Variants in PLD5 observed in about 807,000 individuals in gnomAD.
The protein encoded by PLD5 is inactive phospholipase D5.
A neutral mutation model predicts 61.1 loss-of-function variants in PLD5; 36 were observed. That is an observed-to-expected ratio of 0.59 (90% confidence interval 0.45 to 0.78). PLD5 has a LOEUF of 0.78. PLD5 is among the 30% of genes least tolerant of loss of function. PLD5 has a pLI of 0.00. For missense variants in PLD5, 515 were observed against 644.4 expected (o/e 0.80, Z 2.17); for synonymous variants, 243 against 242.8 (o/e 1.00, Z -0.01).
chr1:242,328,466 CAT>C (rs564014329), intron 2 of PLD5, among the ~76,000 whole-genome samples: 43 of 152,192 alleles, frequency 2.8e-4, no homozygotes, highest in Middle Eastern at 3.4e-3. Context: ...GTGTGTTCTA[CAT>C]ATGTGTATTC....
rs957511764 is a variant in PLD5, at chr1:242,410,940, GATTT to G, written c.190-62702_190-62699del. 3.6e-4 allele frequency among the ~76,000 whole-genome samples: 54 copies of G among 148,404 alleles called. 1 individual carries two copies. The highest frequency in any genetic ancestry group is 1.3e-3 in the African/African-American group (54 of 40,010). ...AGAATTTCATTCTGTGCCCAATGCT[GATTT>G]TTACCAATAATCGAAAAAAAAAAGA... On this transcript the variant is annotated intron_variant, in intron 1 of 9. Coordinates refer to ENST00000536534, the MANE Select transcript of PLD5 (RefSeq NM_001372062.1).
intron 5 of PLD5, among the ~76,000 whole-genome samples, chr1:242,166,497 T>A (rs1239992386): frequency 2.0e-5 from 3 of 152,218 alleles, no homozygotes; most frequent in East Asian, 1.9e-4. Context: ...TACACCCTGA[T>A]GGGAGCACTG....
At chr1:242,326,998 T>TG (rs752255934) in intron 2 of PLD5, among the ~76,000 whole-genome samples, 5 of 152,024 alleles carry the variant, frequency 3.3e-5, no homozygotes, top group African/African-American at 4.8e-5. Flanking sequence ...CCTGAGTAGC[T>TG]GGGACTATAG....
chr1:242,303,021 T>A (rs1337402014), intron 2 of PLD5, among the ~76,000 whole-genome samples: 1 of 152,132 alleles, frequency 6.6e-6, no homozygotes, highest in East Asian at 1.9e-4. Context: ...AATATCAGAA[T>A]CTGTGATGAA....
In PLD5 at chr1:242,195,930, C is replaced by A. The variant is rs538040310; in HGVS notation, c.735+24058G>T. The stretch of plus-strand genomic sequence containing the variant: ...TCAAAGATGATTGAAATCCAAGTGA[C>A]CGAGGTGAGGGGCTGAAGAGAAGAG... On this transcript the variant is annotated intron_variant, in intron 5 of 9. Transcript: ENST00000536534. 1.4e-4 allele frequency among the ~76,000 whole-genome samples: 21 copies of A among 152,050 alleles called. 1 individual carries two copies. Among genetic ancestry groups the A allele is most frequent in the East Asian group, 7.7e-4 (4 of 5,168 alleles).
At chr1:242,464,913 G>T (rs1667228283) in intron 1 of PLD5, among the ~76,000 whole-genome samples, 1 of 152,182 alleles carries the variant, frequency 6.6e-6, no homozygotes, top group African/African-American at 2.4e-5. Flanking sequence ...GTCACATATT[G>T]TGTGATTCCC....
intron 1 of PLD5, among the ~76,000 whole-genome samples, chr1:242,487,739 T>A (rs1668009922): frequency 2.0e-5 from 3 of 152,286 alleles, no homozygotes; most frequent in African/African-American, 7.2e-5. Context: ...TCTGAACAGA[T>A]ACCTCACTAA....
At chr1:242,384,705 G>A (rs985660822) in intron 1 of PLD5, among the ~76,000 whole-genome samples, 2 of 152,164 alleles carry the variant, frequency 1.3e-5, no homozygotes, top group African/African-American at 4.8e-5. Context: ...TGGATAGCCA[G>A]TTCTCTTGGT....
At chr1:242,238,616 G>C (rs970673376) in intron 4 of PLD5, among the ~76,000 whole-genome samples, 76 of 152,184 alleles carry the variant, frequency 5.0e-4, no homozygotes, top group African/African-American at 1.8e-3. Flanking sequence ...TTAATTACTG[G>C]AAGTATTTTG....
At chr1:242,515,927 T>A (rs538360377) in intron 1 of PLD5, among the ~76,000 whole-genome samples, 2 of 152,340 alleles carry the variant, frequency 1.3e-5, no homozygotes, top group South Asian at 4.1e-4. Flanking sequence ...TTATGAGAGC[T>A]ACAGATGCTC....
rs571876464 is a variant in PLD5 at position 242,333,784 on chromosome 1, A to G, written c.326+14322T>C. Among the ~76,000 whole-genome samples the G allele has an allele frequency of 3.9e-5, 6 of 152,262 alleles. No homozygotes were observed. In the East Asian group the frequency reaches 1.2e-3, roughly 29 times the overall value. ...CCCTGTGGTTGGCTTATTTAACATAATGACCTCCAGTTCCATCCATGTTGC... is the reference window on the plus strand; with the variant it reads ...CCCTGTGGTTGGCTTATTTAACATAGTGACCTCCAGTTCCATCCATGTTGC... On this transcript the variant is annotated intron_variant, in intron 2 of 9. Transcript: ENST00000536534.
rs199584739 is a variant in PLD5, at chr1:242,364,856, GAAT to G, written c.190-16617_190-16615del. Among the ~76,000 whole-genome samples the G allele has an allele frequency of 7.2e-3, 1,090 of 151,754 alleles. 5 individuals carry two copies. The highest frequency in any genetic ancestry group is 0.014 in the Middle Eastern group (4 of 294). On this transcript the variant is annotated intron_variant, in intron 1 of 9. Transcript: ENST00000536534. ...AAGGGAATAGAAATAATAAAGAGCAGAATTCAATAAAAGAGAAAACAGAAAACA... is the reference window on the plus strand; with the variant it reads ...AAGGGAATAGAAATAATAAAGAGCAGTCAATAAAAGAGAAAACAGAAAACA...
At position 242,141,936 on chromosome 1, in the gene PLD5, C is replaced by T. The variant is rs142763598; in HGVS notation, c.736-17271G>A. ...TTCCAGATTTGATCTTTCTTAGGTTCTTTATATTAATATATATAACATCTA... is the reference window on the plus strand; with the variant it reads ...TTCCAGATTTGATCTTTCTTAGGTTTTTTATATTAATATATATAACATCTA... On this transcript the variant is annotated intron_variant, in intron 5 of 9. Transcript: ENST00000536534. 5.0e-3 allele frequency among the ~76,000 whole-genome samples: 754 copies of T among 152,310 alleles called. 5 individuals carry two copies. The highest frequency in any genetic ancestry group is 0.016 in the South Asian group (78 of 4,826).
At chr1:242,359,075 T>C (rs1660921709) in intron 1 of PLD5, among the ~76,000 whole-genome samples, 1 of 152,058 alleles carries the variant, frequency 6.6e-6, no homozygotes, top group Non-Finnish European at 1.5e-5. Flanking sequence ...ACCTATGCTA[T>C]TACCTGATAT....
intron 5 of PLD5, among the ~76,000 whole-genome samples, chr1:242,216,314 T>A (rs1430206974): frequency 6.6e-6 from 1 of 151,806 alleles, no homozygotes; most frequent in Non-Finnish European, 1.5e-5. Context: ...GTGGGAAAAA[T>A]TTTAAGATGA....
At chr1:242,100,590 G>A in intron 9 of PLD5, 78 bp downstream of exon 9, 5 of 1,048,468 alleles carry the variant, frequency 4.8e-6, no homozygotes, top group East Asian at 2.4e-5. Flanking sequence ...TCCTCACCAG[G>A]GGATACCGTG....
chr1:242,241,903 A>ACACTTAC (rs1672050750), intron 4 of PLD5, among the ~76,000 whole-genome samples: 19 of 41,468 alleles, frequency 4.6e-4, no homozygotes, highest in African/African-American at 1.8e-3. Flanking sequence ...ATATATATAT[A>ACACTTAC]TATATATACT....
chr1:242,526,712 AT>A (rs1217099737), upstream of PLD5, among the ~76,000 whole-genome samples: 1 of 152,138 alleles, frequency 6.6e-6, no homozygotes, highest in South Asian at 2.1e-4. Flanking sequence ...GCACGATCTG[AT>A]TTTTTTATTA....
Position 242,304,211 on chromosome 1 carries a change from AG to A in PLD5, c.327-15682del, listed in dbSNP as rs540678406. ...CCAGAACCAAAAAATGATGTTCAAA[AG>A]CATAAGTGTCAACTATGTGGCCCAG... is the stretch of plus-strand genomic sequence containing the variant. On this transcript the variant is annotated intron_variant, in intron 2 of 9. Transcript: ENST00000536534. Among the ~76,000 whole-genome samples, 595 of 152,326 alleles carry A rather than the reference AG, an allele frequency of 3.9e-3. 2 individuals carry two copies. Among genetic ancestry groups the A allele is most frequent in the African/African-American group, 0.014 (570 of 41,556 alleles).
Sources: gnomAD v4.1 joint callset for allele counts (sites outside exome capture counted in the v4.1 genomes callset) on GRCh38, gnomAD v4.1.1 for gene constraint, MANE v1.5 for transcripts, NCBI Gene and HGNC (gene_info 2026-07-23, HGNC 2026-07-21) for gene names.